Variants in ASAP2 observed in about 807,000 individuals in gnomAD.
ASAP2 encodes the protein arf-GAP with SH3 domain, ANK repeat and PH domain-containing protein 2.
ASAP2 carries 45 observed loss-of-function variants against 131.4 expected under a neutral mutation model. The observed-to-expected ratio is 0.34, with a 90% CI of 0.27 to 0.44. The LOEUF is 0.44. Ranked by LOEUF, ASAP2 falls within the 20% of genes least tolerant of loss-of-function variation. The probability of loss-of-function intolerance (pLI) is 1.00; values close to 1 mark genes in which losing one functional copy is unlikely to be tolerated. For missense variants in ASAP2, 1,011 were observed against 1,297.0 expected, an observed-to-expected ratio of 0.78 and a Z score of 3.39; for synonymous variants, 510 against 503.0, an observed-to-expected ratio of 1.01 and a Z score of -0.19.
intron 1 of ASAP2, among the ~76,000 whole-genome samples, chr2:9,277,889 T>C (rs1281870662): frequency 2.0e-5 from 3 of 152,222 alleles, no homozygotes; most frequent in Non-Finnish European, 4.4e-5. Flanking sequence ...TCATGTCTGT[T>C]TTTAGCATCC....
At chr2:9,391,945 A>G (rs1170643642) in intron 23 of ASAP2, among the ~76,000 whole-genome samples, 3 of 152,016 alleles carry the variant, frequency 2.0e-5, no homozygotes, top group African/African-American at 7.3e-5. Context: ...CAGTGGCACA[A>G]TCATGGCTCA....
intron 21 of ASAP2, among the ~76,000 whole-genome samples, chr2:9,387,081 G>GT (rs1675326106): frequency 6.6e-6 from 1 of 151,206 alleles, no homozygotes; most frequent in Admixed American, 6.6e-5. Context: ...TGGTGGGTGG[G>GT]GGGGCGCCTG....
chr2:9,280,986 T>A (rs6710839), intron 2 of ASAP2, among the ~76,000 whole-genome samples: 20,077 of 152,270 alleles, frequency 0.13, 1,674 homozygotes, highest in African/African-American at 0.24. Flanking sequence ...GTCAGGGTTG[T>A]GTGCAGTGAG....
intron 16 of ASAP2, 74 bp from the exon 17 acceptor site, chr2:9,374,681 G>A (rs1470773725): frequency 8.5e-6 from 12 of 1,413,644 alleles, no homozygotes; most frequent in Admixed American, 4.2e-5. Flanking sequence ...CGTTAACATG[G>A]CCTTAGACAA....
chr2:9,258,058 G>A (rs1665288446), intron 1 of ASAP2, among the ~76,000 whole-genome samples: 1 of 152,164 alleles, frequency 6.6e-6, no homozygotes. Context: ...CCCACAACCA[G>A]TGCTGGTATC....
intron 1 of ASAP2, among the ~76,000 whole-genome samples, chr2:9,211,024 G>T (rs1225961699): frequency 6.6e-6 from 1 of 151,872 alleles, no homozygotes; most frequent in Non-Finnish European, 1.5e-5. Flanking sequence ...GTGTGGTGGC[G>T]CATGCCTGTA....
At chr2:9,234,263 CTAA>C (rs1663383054) in intron 1 of ASAP2, among the ~76,000 whole-genome samples, 1 of 152,082 alleles carries the variant, frequency 6.6e-6, no homozygotes, top group African/African-American at 2.4e-5. Context: ...TCTCAGCTTC[CTAA>C]GCTTGAGCTT....
intron 24 of ASAP2, chr2:9,399,778 A>G (rs1676469777): frequency 1.8e-6 from 1 of 548,240 alleles, no homozygotes. Context: ...CATCGGTGGC[A>G]GGCTCACGTG....
intron 1 of ASAP2, among the ~76,000 whole-genome samples, chr2:9,252,213 C>T (rs1018414641): frequency 6.6e-6 from 1 of 152,180 alleles, no homozygotes; most frequent in Non-Finnish European, 1.5e-5. Context: ...GGCCACTCAG[C>T]CTTGAAGGTC....
At chr2:9,384,451 G>A (rs111657541) in intron 20 of ASAP2, among the ~76,000 whole-genome samples, 16 of 152,304 alleles carry the variant, frequency 1.1e-4, no homozygotes, top group African/African-American at 3.8e-4. Flanking sequence ...GGTAGTGTTA[G>A]ATCCCACAGG....
chr2:9,226,807 C>T lies in ASAP2; in HGVS notation c.126+19577C>T, dbSNP rs186270254. Among the ~76,000 whole-genome samples, 211 of 152,280 alleles carry T rather than the reference C, an allele frequency of 1.4e-3. 1 individual carries two copies. Among genetic ancestry groups the T allele is most frequent in the African/African-American group, 4.9e-3 (202 of 41,566 alleles). ...GTGCTCTTCCCTGGCCTAACATCAT[C>T]GGTGTGTGATCTCTCTCCCAGCACT... On this transcript the variant is annotated intron_variant, in intron 1 of 27. Transcript: ENST00000281419.
chr2:9,255,749 A>G (rs1572266970), intron 1 of ASAP2, among the ~76,000 whole-genome samples: 1 of 152,200 alleles, frequency 6.6e-6, no homozygotes, highest in Non-Finnish European at 1.5e-5. Context: ...TATTGCTTTT[A>G]TCTTTAAAAT....
chr2:9,371,133 C>T (rs1673918311), intron 16 of ASAP2, among the ~76,000 whole-genome samples: 1 of 152,144 alleles, frequency 6.6e-6, no homozygotes, highest in Non-Finnish European at 1.5e-5. Context: ...GCACTGTAGC[C>T]CTCCTCCAGC....
At chr2:9,302,169 CTT>C (rs57906310) in intron 3 of ASAP2, among the ~76,000 whole-genome samples, 4 of 82,908 alleles carry the variant, frequency 4.8e-5, no homozygotes, top group Non-Finnish European at 6.8e-5. Context: ...AGTTAGAAGC[CTT>C]TTTTTTTTTT....
At chr2:9,364,392 A>T (rs1673300942) in intron 15 of ASAP2, among the ~76,000 whole-genome samples, 1 of 152,072 alleles carries the variant, frequency 6.6e-6, no homozygotes, top group Non-Finnish European at 1.5e-5. Flanking sequence ...CTGTGGTCCT[A>T]GCTATCAGGG....
chr2:9,287,947 T>C (rs1667572470), intron 2 of ASAP2, among the ~76,000 whole-genome samples: 1 of 152,172 alleles, frequency 6.6e-6, no homozygotes, highest in African/African-American at 2.4e-5. Context: ...GGTTCAGAGG[T>C]ATCTGCTATT....
chr2:9,380,866 C>G, intron 20 of ASAP2, 58 bp downstream of exon 20: 7 of 1,551,176 alleles, frequency 4.5e-6, no homozygotes, highest in South Asian at 1.1e-5. Context: ...GGGAGCCAAG[C>G]CTGTCCTCCT....
chr2:9,223,814 A>G lies in ASAP2; in HGVS notation c.126+16584A>G, dbSNP rs565551858. ...GGAGGGAGGGGAAGAGAGGAGTTAG[A>G]CCAGCTTAGAAGGGTGGGGGCCCCC... On this transcript the variant is annotated intron_variant, in intron 1 of 27. Transcript: ENST00000281419. Among the ~76,000 whole-genome samples the G allele has an allele frequency of 2.0e-5, 3 of 152,170 alleles. No homozygotes were observed. In the South Asian group the frequency reaches 6.2e-4, roughly 32 times the overall value.
intron 24 of ASAP2, 103 bp from the exon 25 acceptor site, chr2:9,399,920 C>A: frequency 8.2e-7 from 1 of 1,221,622 alleles, no homozygotes; most frequent in Non-Finnish European, 1.2e-6. Flanking sequence ...AACCACCTCA[C>A]ACACTCTGAG....
Sources: gnomAD v4.1 joint callset for allele counts (sites outside exome capture counted in the v4.1 genomes callset) on GRCh38, gnomAD v4.1.1 for gene constraint, MANE v1.5 for transcripts, NCBI Gene and HGNC (gene_info 2026-07-23, HGNC 2026-07-21) for gene names.